The following AK5 variants were observed in gnomAD, a reference collection of about 807,000 sequenced individuals.
AK5 encodes adenylate kinase isoenzyme 5.
In AK5, 27 loss-of-function variants were observed where a neutral mutation model predicts 69.5. The observed-to-expected ratio is 0.39, with a 90% confidence interval of 0.29 to 0.54. The LOEUF (loss-of-function observed/expected upper bound fraction) is 0.54, where lower values mean the gene tolerates loss of function less well. Ranked by LOEUF, AK5 falls within the 20% of genes least tolerant of loss-of-function variation. The pLI is 0.71. For missense variants in AK5, 531 were observed against 700.4 expected, an observed-to-expected ratio of 0.76 and a Z score of 2.73; for synonymous variants, 260 against 244.4, an observed-to-expected ratio of 1.06 and a Z score of -0.60.
chr1:77,420,184 A>T (rs1650714664), intron 8 of AK5: 1 of 152,220 alleles, frequency 6.6e-6, no homozygotes, highest in South Asian at 2.1e-4. Context: ...CTGGGGGAGG[A>T]ACAGATTACC....
chr1:77,455,334 T>G (rs1171878293), intron 8 of AK5, among the ~76,000 whole-genome samples: 1 of 152,138 alleles, frequency 6.6e-6, no homozygotes, highest in African/African-American at 2.4e-5. Context: ...AGAGCCATCA[T>G]GAAGACATGA....
At chr1:77,510,546 A>G (rs940464150) in intron 10 of AK5, among the ~76,000 whole-genome samples, 1 of 152,202 alleles carries the variant, frequency 6.6e-6, no homozygotes, top group Non-Finnish European at 1.5e-5. Context: ...AAGAAAAAGA[A>G]TACAAAGATA....
At chr1:77,385,632 G>T (rs1205788735) in intron 6 of AK5, among the ~76,000 whole-genome samples, 1 of 152,174 alleles carries the variant, frequency 6.6e-6, no homozygotes, top group Non-Finnish European at 1.5e-5. Context: ...CTTTCAATAT[G>T]AATGCAGGTG....
At chr1:77,513,638 G>A (rs888079007) in intron 10 of AK5, among the ~76,000 whole-genome samples, 11 of 152,184 alleles carry the variant, frequency 7.2e-5, no homozygotes, top group Non-Finnish European at 1.6e-4. Context: ...TCAGGAGTTC[G>A]AGACCAGCCT....
chr1:77,306,326 A>G (rs1659634019), intron 5 of AK5, among the ~76,000 whole-genome samples: 1 of 152,160 alleles, frequency 6.6e-6, no homozygotes, highest in Non-Finnish European at 1.5e-5. Context: ...TTCAGCATCA[A>G]TTGAAATGAT....
chr1:77,488,907 C>CAT (rs397774700), intron 10 of AK5, among the ~76,000 whole-genome samples: 1 of 151,182 alleles, frequency 6.6e-6, no homozygotes, highest in Non-Finnish European at 1.5e-5. Context: ...ATCAAGTCCA[C>CAT]TCAGTATTAA....
chr1:77,553,678 C>T (rs1015544517), intron 13 of AK5, among the ~76,000 whole-genome samples: 1 of 152,086 alleles, frequency 6.6e-6, no homozygotes, highest in Non-Finnish European at 1.5e-5. Context: ...CAGTGACAGA[C>T]CTGATGCATT....
intron 13 of AK5, among the ~76,000 whole-genome samples, chr1:77,544,013 T>C (rs979489763): frequency 1.1e-4 from 17 of 152,190 alleles, no homozygotes; most frequent in Admixed American, 3.9e-4. Context: ...ATTTTGTCAT[T>C]GTGCAAACAT....
chr1:77,409,857 G>A (rs933344702), intron 6 of AK5, among the ~76,000 whole-genome samples: 1 of 152,050 alleles, frequency 6.6e-6, no homozygotes, highest in African/African-American at 2.4e-5. Flanking sequence ...TGTCTTCTAG[G>A]AATTTTATAG....
intron 6 of AK5, among the ~76,000 whole-genome samples, chr1:77,377,127 T>A (rs1261572430): frequency 6.6e-6 from 1 of 152,184 alleles, no homozygotes; most frequent in Non-Finnish European, 1.5e-5. Flanking sequence ...TTCTGTGTTG[T>A]CTTTCTTGGT....
intron 10 of AK5, among the ~76,000 whole-genome samples, chr1:77,515,634 C>A (rs561681968): frequency 7.6e-4 from 116 of 152,290 alleles, no homozygotes; most frequent in African/African-American, 2.6e-3. Context: ...AGGCAGGGAG[C>A]ACCCGGCGCT....
intron 8 of AK5, among the ~76,000 whole-genome samples, chr1:77,473,184 T>A (rs115419907): frequency 6.6e-6 from 1 of 151,796 alleles, no homozygotes; most frequent in African/African-American, 2.4e-5. Context: ...AATCTCAGCA[T>A]TGGAAGCTTC....
At chr1:77,350,925 T>C (rs957708992) in intron 6 of AK5, among the ~76,000 whole-genome samples, 15 of 152,190 alleles carry the variant, frequency 9.9e-5, no homozygotes, top group Admixed American at 9.2e-4. Flanking sequence ...CTAATAACTG[T>C]TTCAAAATAG....
intron 6 of AK5, among the ~76,000 whole-genome samples, chr1:77,372,826 T>C (rs1413319713): frequency 6.6e-6 from 1 of 151,944 alleles, no homozygotes; most frequent in African/African-American, 2.4e-5. Context: ...TATATATGAG[T>C]TAGTGCCAAA....
At chr1:77,299,276 T>G (rs1659198726) in intron 5 of AK5, among the ~76,000 whole-genome samples, 1 of 126,504 alleles carries the variant, frequency 7.9e-6, no homozygotes, top group African/African-American at 2.6e-5. Flanking sequence ...TTCTTCCTTA[T>G]GTGAATTGCT....
intron 6 of AK5, among the ~76,000 whole-genome samples, chr1:77,362,923 G>A (rs1646889657): frequency 6.6e-6 from 1 of 152,162 alleles, no homozygotes; most frequent in African/African-American, 2.4e-5. Flanking sequence ...AATGACCATA[G>A]ATAAGGATAA....
At chr1:77,308,365 G>A (rs1659756947) in intron 5 of AK5, among the ~76,000 whole-genome samples, 1 of 150,226 alleles carries the variant, frequency 6.7e-6, no homozygotes, top group Non-Finnish European at 1.5e-5. Context: ...AGTTTCTCCA[G>A]GAGATGGAGC....
chr1:77,444,212 T>C (rs11162344), intron 8 of AK5, among the ~76,000 whole-genome samples: 45,429 of 114,754 alleles, frequency 0.4, 9,880 homozygotes, highest in Middle Eastern at 0.51. Context: ...TATATATATA[T>C]ACCACTTATG....
At chr1:77,375,978 G>A (rs1647221121) in intron 6 of AK5, among the ~76,000 whole-genome samples, 1 of 152,126 alleles carries the variant, frequency 6.6e-6, no homozygotes, top group Non-Finnish European at 1.5e-5. Flanking sequence ...GAGAATGAAG[G>A]TACAAATGTA....
Sources: gnomAD v4.1 joint callset for allele counts (sites outside exome capture counted in the v4.1 genomes callset) on GRCh38, gnomAD v4.1.1 for gene constraint, MANE v1.5 for transcripts, NCBI Gene and HGNC (gene_info 2026-07-23, HGNC 2026-07-21) for gene names.